Variants in DPH6 observed in about 807,000 individuals in gnomAD.
The protein encoded by DPH6 is diphthamine biosynthesis 6.
A neutral mutation model predicts 38.2 loss-of-function variants in DPH6; 33 were observed. That is an observed-to-expected ratio of 0.86 (90% confidence interval 0.65 to 1.15). DPH6 has a LOEUF of 1.15. Among genes scored for constraint, DPH6 ranks in the 50% most tolerant of loss-of-function variants. The probability of loss-of-function intolerance (pLI) is 0.00; values close to 1 mark genes in which losing one functional copy is unlikely to be tolerated. For missense variants in DPH6, 325 were observed against 320.0 expected (o/e 1.02, Z -0.12); for synonymous variants, 108 against 103.0 (o/e 1.05, Z -0.30).
intron 3 of DPH6, among the ~76,000 whole-genome samples, chr15:35,243,942 G>A (rs2051618311): frequency 6.6e-6 from 1 of 152,178 alleles, no homozygotes; most frequent in Non-Finnish European, 1.5e-5. Context: ...TCTTGCAAAT[G>A]ACCAATAATC....
At chr15:35,484,227 A>G (rs1359944100) in intron 3 of DPH6, among the ~76,000 whole-genome samples, 2 of 152,238 alleles carry the variant, frequency 1.3e-5, no homozygotes, top group African/African-American at 4.8e-5. Context: ...CAAGTTTAGC[A>G]ATATATTGAT....
the DPH6 span, among the ~76,000 whole-genome samples, chr15:35,162,680 T>G: frequency 1.3e-5 from 2 of 151,822 alleles, no homozygotes; most frequent in African/African-American, 4.8e-5. Context: ...TTTAATCAAC[T>G]CTCTTCCATC....
At chr15:35,293,441 T>C (rs1012092004) in intron 3 of DPH6, among the ~76,000 whole-genome samples, 3 of 152,212 alleles carry the variant, frequency 2.0e-5, no homozygotes, top group South Asian at 4.1e-4. Context: ...CCTAATTGTT[T>C]CCAACACTCT....
intron 3 of DPH6, among the ~76,000 whole-genome samples, chr15:35,229,701 G>A (rs548143718): frequency 7.9e-5 from 12 of 152,126 alleles, no homozygotes; most frequent in Admixed American, 3.3e-4. Flanking sequence ...AAGGCTTTCC[G>A]GATATTTGAA....
chr15:35,510,285 G>A (rs1222061894), intron 3 of DPH6, among the ~76,000 whole-genome samples: 1 of 152,164 alleles, frequency 6.6e-6, no homozygotes, highest in Non-Finnish European at 1.5e-5. Context: ...TAATGGGCCA[G>A]CCTGCAGAAC....
At chr15:35,482,727 C>T (rs1470833915) in intron 3 of DPH6, among the ~76,000 whole-genome samples, 1 of 151,870 alleles carries the variant, frequency 6.6e-6, no homozygotes. Context: ...AAATTGTAGA[C>T]GTAAAGGTAA....
rs1566946434 is a variant in DPH6 at position 35,542,497 on chromosome 15, C to T, written c.34G>A (p.Asp12Asn). 2 of 1,552,002 alleles carry T rather than the reference C, an allele frequency of 1.3e-6. No homozygotes were observed. The highest frequency in any genetic ancestry group is 2.3e-5 in the East Asian group (1 of 43,962). ...RVAALISGGKDSCYNMMQCIA... is the reference protein window; with the variant it reads ...RVAALISGGKNSCYNMMQCIA... ...CACTGCATCATATTATAGCAGCTGT[C>T]CTTCCCACCACTAAACAATAAATCA... The change falls in exon 2 of 9, where the codon GAC (aspartate) becomes AAC (asparagine). Residue 12 changes from aspartate to asparagine, a missense_variant. Physicochemically the swap from Asp to Asn is conservative, Grantham distance 23 (BLOSUM62 1). Coordinates refer to ENST00000256538, the MANE Select transcript of DPH6 (RefSeq NM_080650.4).
chr15:35,472,904 TAAA>T (rs374089826), intron 3 of DPH6, among the ~76,000 whole-genome samples: 50 of 135,174 alleles, frequency 3.7e-4, no homozygotes, highest in African/African-American at 7.8e-4. Flanking sequence ...AAGATGTAGT[TAAA>T]AAAAAAAAAA....
At chr15:35,176,312 T>C in the DPH6 span, among the ~76,000 whole-genome samples, 5 of 152,228 alleles carry the variant, frequency 3.3e-5, no homozygotes, top group Admixed American at 3.3e-4. Context: ...AGAAAAGTGC[T>C]GCCCCACTTA....
intron 3 of DPH6, among the ~76,000 whole-genome samples, chr15:35,531,069 G>C (rs548020004): frequency 6.6e-6 from 1 of 152,234 alleles, no homozygotes; most frequent in South Asian, 2.1e-4. Context: ...CTATGTCTGC[G>C]TCCTCCCTGA....
At chr15:35,167,572 TA>T in the DPH6 span, among the ~76,000 whole-genome samples, 13,168 of 143,828 alleles carry the variant, frequency 0.092, 880 homozygotes, top group East Asian at 0.27. Context: ...GTCTTTTTTT[TA>T]AAAAAAAAAA....
At chr15:35,156,451 C>A in the DPH6 span, among the ~76,000 whole-genome samples, 10 of 152,126 alleles carry the variant, frequency 6.6e-5, no homozygotes, top group South Asian at 4.2e-4. Context: ...CACTACTGAA[C>A]CTTCAACACT....
At chr15:35,372,472 G>T in intron 8 of DPH6, 1 of 256,412 alleles carries the variant, frequency 3.9e-6, no homozygotes, top group Non-Finnish European at 7.4e-6. Flanking sequence ...GACTTTGTGT[G>T]TGCGTACATG....
intron 3 of DPH6, chr15:35,237,736 G>C: frequency 6.2e-7 from 1 of 1,613,634 alleles, no homozygotes; most frequent in Non-Finnish European, 8.5e-7. Flanking sequence ...ATGTGTTCAA[G>C]CTCCTCCTGC....
chr15:35,433,290 A>G (rs966750113), intron 5 of DPH6, among the ~76,000 whole-genome samples: 3 of 152,216 alleles, frequency 2.0e-5, no homozygotes, highest in African/African-American at 7.2e-5. Flanking sequence ...CACACCAACA[A>G]GTATAGGCAA....
intron 5 of DPH6, among the ~76,000 whole-genome samples, chr15:35,444,859 TATG>T (rs1204648786): frequency 2.7e-5 from 4 of 148,094 alleles, no homozygotes; most frequent in African/African-American, 4.9e-5. Flanking sequence ...TCTGATTTGG[TATG>T]ATATTAGTAA....
intron 3 of DPH6, among the ~76,000 whole-genome samples, chr15:35,506,963 A>C (rs1024238537): frequency 1.3e-5 from 2 of 152,160 alleles, no homozygotes; most frequent in Non-Finnish European, 2.9e-5. Context: ...AGAGAAAAAA[A>C]AAGGTTGGGG....
intron 3 of DPH6, among the ~76,000 whole-genome samples, chr15:35,524,682 T>C (rs185238834): frequency 1.1e-4 from 16 of 152,248 alleles, no homozygotes; most frequent in Admixed American, 7.2e-4. Flanking sequence ...AAGGATAAAA[T>C]TAGAATATAT....
intron 7 of DPH6, among the ~76,000 whole-genome samples, chr15:35,374,588 G>A (rs569397296): frequency 1.3e-4 from 20 of 152,016 alleles, no homozygotes; most frequent in East Asian, 3.9e-4. Flanking sequence ...AAAAAAGTAC[G>A]TTTGATGATT....
Sources: gnomAD v4.1 joint callset for allele counts (sites outside exome capture counted in the v4.1 genomes callset) on GRCh38, gnomAD v4.1.1 for gene constraint, MANE v1.5 for transcripts, NCBI Gene and HGNC (gene_info 2026-07-23, HGNC 2026-07-21) for gene names.